Variants in P3H3 observed in about 807,000 individuals in gnomAD.
P3H3 encodes gene rich cluster, B.
A neutral mutation model predicts 78.1 loss-of-function variants in P3H3; 64 were observed. That is an observed-to-expected ratio of 0.82 (90% confidence interval 0.67 to 1.01). The LOEUF (loss-of-function observed/expected upper bound fraction) is 1.01, where lower values mean the gene tolerates loss of function less well. P3H3 is among the 50% of genes least tolerant of loss of function. The probability of loss-of-function intolerance (pLI) is 0.00; values close to 1 mark genes in which losing one functional copy is unlikely to be tolerated. For synonymous variants in P3H3, 425 were observed against 416.7 expected (o/e 1.02, Z -0.24); for missense variants, 975 against 982.2 (o/e 0.99, Z 0.10).
At position 6,839,589 on chromosome 12, in the gene P3H3, C is replaced by T; in HGVS notation, c.*128C>T. The T allele has an allele frequency of 8.6e-7, 1 of 1,157,664 alleles. No individual in the cohort carries two copies. The highest frequency in any genetic ancestry group is 1.2e-6 in the Non-Finnish European group (1 of 838,522). The allele number at this position is 1,157,664 out of a possible 1,614,324, so 71.7% of individuals were successfully genotyped here. On this transcript the variant is annotated 3_prime_UTR_variant, in exon 15 of 15. Transcript: ENST00000290510. ...AGCAAGCTCTCTGTCCCTGCACCCCCACCATCTTGGGGACCTACAAGGGCC... is the reference window on the plus strand; with the variant it reads ...AGCAAGCTCTCTGTCCCTGCACCCCTACCATCTTGGGGACCTACAAGGGCC...
chr12:6,829,783 TG>T lies in P3H3; in HGVS notation c.499-72del. On this transcript the variant is annotated intron_variant, in intron 1 of 14. Coordinates refer to ENST00000290510, the MANE Select transcript of P3H3 (RefSeq NM_014262.5). This position sits in a 1 kb window ranked among gnomAD's most constrained non-coding sequence, Gnocchi z 5.1. ...CCCAGAGTGTGTGTCTGGGGTAGGG[TG>T]GGGAGGCTGGCCAGGGGGCAGAGGT... 1.3e-6 allele frequency: 2 copies of T among 1,529,338 alleles called. No individual in the cohort carries two copies. Among genetic ancestry groups the T allele is most frequent in the South Asian group, 2.3e-5 (2 of 88,700 alleles). The allele number at this position is 1,529,338 out of a possible 1,614,324, so 94.7% of individuals were successfully genotyped here. A position where few individuals can be genotyped will look rare whatever the true frequency, so the allele number is the denominator to read the frequency against.
rs1943426134 is a variant in P3H3 at position 6,829,699 on chromosome 12, T to A, written c.499-160T>A. ...TCCCAACGTTCTGGCCTCTAGGGGA[T>A]CTGCAGTTCGGGCGGTGGGCGGTTC... On this transcript the variant is annotated intron_variant, in intron 1 of 14. Transcript: ENST00000290510. The surrounding 1 kb of genome is among the most constrained non-coding windows in gnomAD (Gnocchi z 5.1). 1.4e-6 allele frequency: 1 copy of A among 704,146 alleles called. No individual in the cohort carries two copies. Among genetic ancestry groups the A allele is most frequent in the East Asian group, 2.7e-5 (1 of 37,488 alleles). The allele number at this position is 704,146 out of a possible 1,614,324, so 43.6% of individuals were successfully genotyped here.
intron 13 of P3H3, among the ~76,000 whole-genome samples, chr12:6,838,488 G>C (rs1306081107): frequency 6.6e-6 from 1 of 152,122 alleles, no homozygotes; most frequent in East Asian, 1.9e-4. Flanking sequence ...AAGTAATTTA[G>C]GTAATGTACC....
At position 6,833,949 on chromosome 12, in the gene P3H3, C is replaced by A. The variant is rs782680410; in HGVS notation, c.1358C>A (p.Thr453Asn). 6.2e-7 allele frequency: 1 copy of A among 1,613,860 alleles called. No individual in the cohort carries two copies. Among genetic ancestry groups the A allele is most frequent in the African/African-American group, 1.3e-5 (1 of 74,932 alleles). The part of the protein sequence containing the change: ...WKDVLLLEGV[T>N]LTQDSRQLNG... ...GATGTCCTTCTCCTGGAGGGTGTGA[C>A]CTTGACCCAGGATTCCAGGCAGCTG... Residue 453 changes from threonine to asparagine, a missense_variant, in exon 9 of 15, where the codon ACC (threonine) becomes AAC (asparagine). Coordinates refer to ENST00000290510, the MANE Select transcript of P3H3 (RefSeq NM_014262.5).
chr12:6,839,563 C>A lies in P3H3; in HGVS notation c.*102C>A. On this transcript the variant is annotated 3_prime_UTR_variant, in exon 15 of 15. Transcript: ENST00000290510. The stretch of plus-strand genomic sequence containing the variant: ...CCCCTGTGTGACATCAGGAGCAGAA[C>A]AGCAAGCTCTCTGTCCCTGCACCCC... The A allele has an allele frequency of 7.4e-7, 1 of 1,356,596 alleles. No homozygotes were observed. The highest frequency in any genetic ancestry group is 9.9e-7 in the Non-Finnish European group (1 of 1,008,868). The allele number at this position is 1,356,596 out of a possible 1,614,324, so 84.0% of individuals were successfully genotyped here. A position where few individuals can be genotyped will look rare whatever the true frequency, so the allele number is the denominator to read the frequency against.
chr12:6,833,823 A>C lies in P3H3; in HGVS notation c.1333+14A>C. Reference sequence around the variant, plus strand: ...CCTACTGGAAGGGTGAGTTCCTGGGAGGGAGAAGGCAGGAGCCTGGAGGGT... The same window carrying C: ...CCTACTGGAAGGGTGAGTTCCTGGGCGGGAGAAGGCAGGAGCCTGGAGGGT... On this transcript the variant is annotated intron_variant, in intron 8 of 14. Transcript: ENST00000290510. The C allele has an allele frequency of 6.2e-7, 1 of 1,612,072 alleles. No homozygotes were observed. The highest frequency in any genetic ancestry group is 8.5e-7 in the Non-Finnish European group (1 of 1,178,210).
At chr12:6,838,974 A>C (rs1555122616) in intron 13 of P3H3, 26 bp from the exon 14 acceptor site, 4 of 1,545,026 alleles carry the variant, frequency 2.6e-6, no homozygotes, top group Non-Finnish European at 3.5e-6. Flanking sequence ...CAATCCCTGG[A>C]GCTGAACCTG....
Position 6,828,945 on chromosome 12 carries a change from A to G in P3H3, c.498+7A>G. ...GCAGAGGGCCTATTACCAGGTGGGG[A>G]GCGGGCCGGGCAGCTCCGAGGGTCC... On this transcript the variant is annotated splice_region_variant and intron_variant, in intron 1 of 14. Transcript: ENST00000290510. The G allele has an allele frequency of 8.1e-7, 1 of 1,232,534 alleles. No individual in the cohort carries two copies. The highest frequency in any genetic ancestry group is 1.6e-5 in the African/African-American group (1 of 64,386). The allele number at this position is 1,232,534 out of a possible 1,614,324, so 76.3% of individuals were successfully genotyped here.
chr12:6,836,924 C>A, intron 9 of P3H3, 61 bp from the exon 10 acceptor site: 12 of 1,280,532 alleles, frequency 9.4e-6, no homozygotes, highest in Non-Finnish European at 1.3e-5. Context: ...GAGGGTCTTG[C>A]AGCCCTGCAG....
intron 2 of P3H3, 75 bp downstream of exon 2, chr12:6,830,086 G>T: frequency 6.4e-7 from 1 of 1,568,744 alleles, no homozygotes; most frequent in South Asian, 1.1e-5. Context: ...ACTAAACTGT[G>T]CGTTGTGCTG....
chr12:6,838,883 T>G, intron 13 of P3H3, 117 bp from the exon 14 acceptor site: 2 of 790,658 alleles, frequency 2.5e-6, no homozygotes, highest in South Asian at 2.8e-5. Flanking sequence ...GAGTAGGAAG[T>G]GGTAGCGAGA....
In P3H3 at chr12:6,837,184, C is replaced by G. The variant is rs1349680951; in HGVS notation, c.1560+98C>G. 3.5e-6 allele frequency: 4 copies of G among 1,140,658 alleles called. 1 individual carries two copies. In the Middle Eastern group the frequency reaches 7.3e-4, roughly 209 times the overall value. The allele number at this position is 1,140,658 out of a possible 1,614,324, so 70.7% of individuals were successfully genotyped here. A position where few individuals can be genotyped will look rare whatever the true frequency, so the allele number is the denominator to read the frequency against. On this transcript the variant is annotated intron_variant, in intron 10 of 14. Transcript: ENST00000290510. ...CAGGGCCTGGGCTTTTGTGAAGGAG[C>G]TTTCTTGGGACCGAGACTACCTGAT...
intron 9 of P3H3, among the ~76,000 whole-genome samples, chr12:6,836,415 G>C (rs2137966150): frequency 6.6e-6 from 1 of 152,250 alleles, no homozygotes; most frequent in East Asian, 1.9e-4. Flanking sequence ...GAGACCCCCA[G>C]GTAGTGAGAG....
intron 9 of P3H3, among the ~76,000 whole-genome samples, chr12:6,836,039 A>C (rs918131641): frequency 1.1e-4 from 16 of 152,300 alleles, no homozygotes; most frequent in Non-Finnish European, 1.9e-4. Flanking sequence ...CAGCCTGAGC[A>C]ACGTGGTAAA....
At chr12:6,832,046 G>A in intron 6 of P3H3, 132 bp downstream of exon 6, 1 of 634,380 alleles carries the variant, frequency 1.6e-6, no homozygotes, top group Non-Finnish European at 2.8e-6. Flanking sequence ...GTTTTACAGG[G>A]ACGGAGACAG....
In P3H3 at chr12:6,830,784, G is replaced by T; in HGVS notation, c.985+14G>T. 3 of 1,613,436 alleles carry T rather than the reference G, an allele frequency of 1.9e-6. No individual in the cohort carries two copies. Among genetic ancestry groups the T allele is most frequent in the African/African-American group, 2.7e-5 (2 of 75,048 alleles). On this transcript the variant is annotated intron_variant, in intron 4 of 14. Coordinates refer to ENST00000290510, the MANE Select transcript of P3H3 (RefSeq NM_014262.5). ...CCCATGCTCAGGGTCAGTTGGGGAA[G>T]GGTGGAAACGGGGAGTGAAGATTTG...
rs782064453 is a variant in P3H3, at chr12:6,834,156, A to G, written c.1458+107A>G. ...TCATTCTGCCTGTCCTGATTATCCAACCGGGACTGTGCTTACCACTGCCTC... is the reference window on the plus strand; with the variant it reads ...TCATTCTGCCTGTCCTGATTATCCAGCCGGGACTGTGCTTACCACTGCCTC... On this transcript the variant is annotated intron_variant, in intron 9 of 14. Coordinates refer to ENST00000290510, the MANE Select transcript of P3H3 (RefSeq NM_014262.5). The G allele has an allele frequency of 3.9e-6, 6 of 1,530,700 alleles. No homozygotes were observed. In the Admixed American group the frequency reaches 5.3e-5, roughly 14 times the overall value. The allele number at this position is 1,530,700 out of a possible 1,614,324, so 94.8% of individuals were successfully genotyped here.
chr12:6,833,907 C>G lies in P3H3; in HGVS notation c.1334-18C>G. On this transcript the variant is annotated intron_variant, in intron 8 of 14. Transcript: ENST00000290510. Reference sequence around the variant, plus strand: ...TAGGGGATGCTCAGCCCCCTCTGCTCTGTCTTTTCCCTGGCAGATGTCCTT... The same window carrying G: ...TAGGGGATGCTCAGCCCCCTCTGCTGTGTCTTTTCCCTGGCAGATGTCCTT... 1 of 1,613,978 alleles carries G rather than the reference C, an allele frequency of 6.2e-7. No individual in the cohort carries two copies. The highest frequency in any genetic ancestry group is 8.5e-7 in the Non-Finnish European group (1 of 1,179,898).
In P3H3 at chr12:6,831,715, G is replaced by C. The variant is rs1943452317; in HGVS notation, c.1123-110G>C. 1.3e-6 allele frequency: 1 copy of C among 743,330 alleles called. No individual in the cohort carries two copies. The highest frequency in any genetic ancestry group is 1.8e-5 in the African/African-American group (1 of 56,958). 46.0% of individuals were successfully genotyped at this position (743,330 alleles called of 1,614,324 possible). On this transcript the variant is annotated intron_variant, in intron 5 of 14. Coordinates refer to ENST00000290510, the MANE Select transcript of P3H3 (RefSeq NM_014262.5). This position sits in a 1 kb window ranked among gnomAD's most constrained non-coding sequence, Gnocchi z 4.6. ...GGGGAACGTTGAACAGAGGAACCGG[G>C]GGGCATGGTGCCAGGTTCAAGGAGC...
Sources: gnomAD v4.1 joint callset for allele counts (sites outside exome capture counted in the v4.1 genomes callset) on GRCh38, gnomAD v4.1.1 for gene constraint, Gnocchi (gnomAD v3.1) non-coding constraint, MANE v1.5 for transcripts, NCBI Gene and HGNC (gene_info 2026-07-23, HGNC 2026-07-21) for gene names.